The following RAB6A variants were observed in gnomAD, a reference collection of about 807,000 sequenced individuals.
RAB6A encodes the protein ras-related protein Rab-6A.
RAB6A carries 8 observed loss-of-function variants against 32.3 expected under a neutral mutation model. The ratio of observed to expected loss-of-function variants is 0.25; its 90% CI spans 0.15 to 0.45. The LOEUF is 0.45. RAB6A is among the 20% of genes least tolerant of loss of function. RAB6A has a pLI of 1.00. For synonymous variants in RAB6A, 73 were observed against 82.1 expected, an observed-to-expected ratio of 0.89 and a Z score of 0.60; for missense variants, 104 against 249.4, an observed-to-expected ratio of 0.42 and a Z score of 3.93.
intron 6 of RAB6A, among the ~76,000 whole-genome samples, chr11:73,685,965 C>T (rs1459704285): frequency 6.7e-6 from 1 of 150,172 alleles, no homozygotes; most frequent in Non-Finnish European, 1.5e-5. Flanking sequence ...AACTCATGGG[C>T]CTGCAGGCTT....
At chr11:73,698,938 G>A (rs574055410) in intron 6 of RAB6A, among the ~76,000 whole-genome samples, 5 of 137,570 alleles carry the variant, frequency 3.6e-5, no homozygotes, top group Admixed American at 8.4e-5. Flanking sequence ...TCCAACCTCC[G>A]CCTCCCAGGT....
chr11:73,743,663 C>A (rs1946536213), intron 1 of RAB6A, among the ~76,000 whole-genome samples: 1 of 152,064 alleles, frequency 6.6e-6, no homozygotes, highest in African/African-American at 2.4e-5. Flanking sequence ...CTGAGCCTAG[C>A]CTCCAGTCTC....
At chr11:73,731,709 TATATATATATATATATATATATAC>T (rs202088799) in intron 1 of RAB6A, among the ~76,000 whole-genome samples, 54,583 of 91,774 alleles carry the variant, frequency 0.59, 14,447 homozygotes, top group East Asian at 0.73. Flanking sequence ...TATATATATA[TATATATATATATATATATATATAC>T]ACACACACAC....
rs146225537 is a variant in RAB6A at position 73,689,593 on chromosome 11, T to C, written c.496-9873A>G. Among the ~76,000 whole-genome samples, 1,030 of 152,190 alleles carry C rather than the reference T, an allele frequency of 6.8e-3. 8 individuals are homozygous for C. The highest frequency in any genetic ancestry group is 9.8e-3 in the Non-Finnish European group (665 of 67,980). On this transcript the variant is annotated intron_variant, in intron 6 of 7. Coordinates refer to ENST00000336083, the MANE Select transcript of RAB6A (RefSeq NM_198896.2). ...ACTCCTCCTTTCTATTGATTCCAGG[T>C]CTTTAGATAACTCTTTCAACCAATT...
intron 6 of RAB6A, among the ~76,000 whole-genome samples, chr11:73,686,428 C>T (rs1945457378): frequency 1.3e-5 from 2 of 152,082 alleles, no homozygotes; most frequent in African/African-American, 2.4e-5. Context: ...GTGGCAGGCA[C>T]CTGTAATCCC....
intron 6 of RAB6A, among the ~76,000 whole-genome samples, chr11:73,697,385 C>T (rs1338390122): frequency 6.6e-6 from 1 of 151,886 alleles, no homozygotes. Context: ...GACTGGAGTG[C>T]AGTGGCATGG....
intron 6 of RAB6A, among the ~76,000 whole-genome samples, chr11:73,683,264 T>C (rs1945388995): frequency 1.3e-5 from 2 of 148,284 alleles, no homozygotes; most frequent in African/African-American, 2.5e-5. Flanking sequence ...TTTTTTTTTT[T>C]TTTTTTTTGG....
At chr11:73,716,469 C>T (rs1171945865) in intron 4 of RAB6A, 107 bp from the exon 5 acceptor site, 2 of 649,922 alleles carry the variant, frequency 3.1e-6, no homozygotes, top group Middle Eastern at 2.6e-4. Context: ...GGGGCTGGCA[C>T]ATTAGTACCC....
At chr11:73,715,679 G>A (rs1286302207) in intron 5 of RAB6A, among the ~76,000 whole-genome samples, 1 of 152,184 alleles carries the variant, frequency 6.6e-6, no homozygotes, top group Non-Finnish European at 1.5e-5. Context: ...TTCAAGCCAT[G>A]GGTCCTACAG....
At chr11:73,691,253 C>G (rs908484451) in intron 6 of RAB6A, among the ~76,000 whole-genome samples, 4 of 152,192 alleles carry the variant, frequency 2.6e-5, no homozygotes, top group African/African-American at 9.7e-5. Flanking sequence ...TGGGAAACTT[C>G]AGTGAGAGAA....
chr11:73,746,237 AT>A (rs1254592737), intron 1 of RAB6A, among the ~76,000 whole-genome samples: 1 of 152,188 alleles, frequency 6.6e-6, no homozygotes, highest in Non-Finnish European at 1.5e-5. Flanking sequence ...ATAGTAAGAA[AT>A]AACTTTTGTA....
At chr11:73,695,659 C>A (rs1277559376) in intron 6 of RAB6A, among the ~76,000 whole-genome samples, 6 of 152,264 alleles carry the variant, frequency 3.9e-5, no homozygotes, top group South Asian at 2.1e-4. Context: ...GGATTACAGG[C>A]GTGAGCCACT....
chr11:73,737,362 G>A (rs1040924591), intron 1 of RAB6A, among the ~76,000 whole-genome samples: 9 of 151,986 alleles, frequency 5.9e-5, no homozygotes, highest in Admixed American at 5.9e-4. Context: ...GCATGCACCT[G>A]TAGTCCCCTA....
Position 73,677,949 on chromosome 11 carries a change from T to C in RAB6A, c.576A>G (p.Lys192=), listed in dbSNP as rs147274444. Residue 192 remains lysine, a synonymous_variant, in exon 8 of 8, where the codon AAA becomes AAG. Coordinates refer to ENST00000336083, the MANE Select transcript of RAB6A (RefSeq NM_198896.2). ...CTGGTTGCTCCTGAGGCTTTTCCAG[T>C]TTTATGTCAATCACTGAAACAAAAG... The part of the protein sequence containing the change: ...DRSREDMIDI[K]LEKPQEQPVS... The C allele has an allele frequency of 3.1e-6, 5 of 1,614,084 alleles. No homozygotes were observed. The African/African-American group carries it at 6.7e-5, about 22-fold the overall frequency.
intron 6 of RAB6A, among the ~76,000 whole-genome samples, chr11:73,697,424 T>C (rs1244197159): frequency 6.6e-6 from 1 of 152,040 alleles, no homozygotes; most frequent in Non-Finnish European, 1.5e-5. Flanking sequence ...TCCGCCTCAC[T>C]GCAACCTCCA....
chr11:73,747,226 G>T (rs1437362401), intron 1 of RAB6A, among the ~76,000 whole-genome samples: 2 of 147,534 alleles, frequency 1.4e-5, no homozygotes, highest in Non-Finnish European at 3.0e-5. Flanking sequence ...TTTTTTCTGA[G>T]ACGGAGTCTT....
chr11:73,695,060 T>A (rs928865550), intron 6 of RAB6A, among the ~76,000 whole-genome samples: 2 of 152,056 alleles, frequency 1.3e-5, no homozygotes, highest in Non-Finnish European at 2.9e-5. Context: ...CAAATTTTTT[T>A]AATCTATAGT....
At chr11:73,690,713 A>C (rs1945540706) in intron 6 of RAB6A, among the ~76,000 whole-genome samples, 2 of 151,506 alleles carry the variant, frequency 1.3e-5, no homozygotes, top group East Asian at 1.9e-4. Context: ...AAAAAAAAAA[A>C]AAAACCCAAA....
intron 2 of RAB6A, among the ~76,000 whole-genome samples, chr11:73,728,066 T>C (rs1387649570): frequency 1.3e-5 from 2 of 152,172 alleles, no homozygotes; most frequent in African/African-American, 2.4e-5. Context: ...AACTGAAAAG[T>C]AGTGGTAATA....
Sources: gnomAD v4.1 joint callset for allele counts (sites outside exome capture counted in the v4.1 genomes callset) on GRCh38, gnomAD v4.1.1 for gene constraint, MANE v1.5 for transcripts, NCBI Gene and HGNC (gene_info 2026-07-23, HGNC 2026-07-21) for gene names.